The following RCAN2 variants were observed in gnomAD, a reference collection of about 807,000 sequenced individuals.
The protein encoded by RCAN2 is regulator of calcineurin 2.
A neutral mutation model predicts 23.6 loss-of-function variants in RCAN2; 9 were observed. That is an observed-to-expected ratio of 0.38 (90% CI 0.23 to 0.67). RCAN2 has a LOEUF of 0.67. RCAN2 is among the 30% of genes least tolerant of loss of function. The pLI, the probability that RCAN2 is intolerant of heterozygous loss-of-function variation, is 0.51. For synonymous variants in RCAN2, 109 were observed against 115.7 expected (o/e 0.94, Z 0.37); for missense variants, 273 against 302.3 (o/e 0.90, Z 0.72).
intron 2 of RCAN2, among the ~76,000 whole-genome samples, chr6:46,264,078 T>C (rs1211767422): frequency 6.6e-6 from 1 of 152,182 alleles, no homozygotes; most frequent in Admixed American, 6.5e-5. Flanking sequence ...TACCCGGTGT[T>C]GTAGCTGAAA....
intron 2 of RCAN2, among the ~76,000 whole-genome samples, chr6:46,331,991 AG>A (rs1293990722): frequency 6.6e-6 from 1 of 152,230 alleles, no homozygotes; most frequent in Admixed American, 6.5e-5. Flanking sequence ...AAAGAGTTTA[AG>A]ATTTTTTTCT....
chr6:46,292,638 T>C (rs957509127), intron 2 of RCAN2, among the ~76,000 whole-genome samples: 1 of 152,144 alleles, frequency 6.6e-6, no homozygotes, highest in Non-Finnish European at 1.5e-5. Context: ...CAAATTAACA[T>C]GTTTCCTTCT....
At chr6:46,370,299 G>A (rs1266086523) in intron 2 of RCAN2, among the ~76,000 whole-genome samples, 1 of 152,056 alleles carries the variant, frequency 6.6e-6, no homozygotes, top group African/African-American at 2.4e-5. Context: ...TCCTTCCCTT[G>A]TTCATTTCTT....
chr6:46,323,821 AT>A (rs1763697966), intron 2 of RCAN2, among the ~76,000 whole-genome samples: 1 of 152,242 alleles, frequency 6.6e-6, no homozygotes, highest in African/African-American at 2.4e-5. Flanking sequence ...ATATAAGCAT[AT>A]TTTAAACTTT....
At chr6:46,423,822 G>C (rs1424492156) in intron 2 of RCAN2, among the ~76,000 whole-genome samples, 2 of 152,154 alleles carry the variant, frequency 1.3e-5, no homozygotes, top group Non-Finnish European at 2.9e-5. Flanking sequence ...ACTACATTGA[G>C]TATACCACAT....
At chr6:46,250,153 T>G (rs1429696961) in intron 2 of RCAN2, among the ~76,000 whole-genome samples, 1 of 152,012 alleles carries the variant, frequency 6.6e-6, no homozygotes, top group Non-Finnish European at 1.5e-5. Flanking sequence ...CATCTAACAA[T>G]CTAACATGTG....
At chr6:46,487,265 C>G (rs1301223202) in intron 1 of RCAN2, among the ~76,000 whole-genome samples, 2 of 152,188 alleles carry the variant, frequency 1.3e-5, no homozygotes, top group Non-Finnish European at 2.9e-5. Flanking sequence ...GCTTCTTTAT[C>G]TCTAAGAAGG....
In RCAN2 at chr6:46,367,022, GATATATAT is replaced by G. The variant is rs60245042; in HGVS notation, c.225+89722_225+89729del. Among the ~76,000 whole-genome samples the G allele has an allele frequency of 5.0e-4, 30 of 59,672 alleles. 2 individuals carry two copies. The highest frequency in any genetic ancestry group is 1.2e-3 in the East Asian group (2 of 1,620). The allele number at this position is 59,672 out of a possible 152,430, so 39.1% of individuals were successfully genotyped here. On this transcript the variant is annotated intron_variant, in intron 2 of 4. Coordinates refer to ENST00000371374, the MANE Select transcript of RCAN2 (RefSeq NM_001251974.2). ...ATTTTATTTTCAGTTATCTGGGATG[GATATATAT>G]ATATATATATATATATATATATATC...
chr6:46,437,402 A>T (rs1291515631), intron 2 of RCAN2, among the ~76,000 whole-genome samples: 1 of 152,248 alleles, frequency 6.6e-6, no homozygotes, highest in Admixed American at 6.5e-5. Context: ...ATAGTCACTT[A>T]ATTTATAAAA....
intron 2 of RCAN2, among the ~76,000 whole-genome samples, chr6:46,403,069 A>G (rs1766302616): frequency 6.6e-6 from 1 of 151,000 alleles, no homozygotes; most frequent in African/African-American, 2.4e-5. Flanking sequence ...TGCTTACACC[A>G]TTCTCCTGCC....
chr6:46,251,118 T>C (rs1766698407), intron 2 of RCAN2, among the ~76,000 whole-genome samples: 1 of 152,206 alleles, frequency 6.6e-6, no homozygotes, highest in African/African-American at 2.4e-5. Context: ...CTTATACTCC[T>C]TTTCCCATCA....
intron 2 of RCAN2, among the ~76,000 whole-genome samples, chr6:46,412,431 G>T (rs1766574422): frequency 6.6e-6 from 1 of 152,140 alleles, no homozygotes; most frequent in Admixed American, 6.5e-5. Context: ...GGCATCATTG[G>T]CATTGAGATG....
intron 2 of RCAN2, among the ~76,000 whole-genome samples, chr6:46,373,449 G>A (rs1183681011): frequency 6.6e-6 from 1 of 151,876 alleles, no homozygotes; most frequent in Non-Finnish European, 1.5e-5. Flanking sequence ...TATTTTTAGG[G>A]TTTCACTATG....
chr6:46,240,077 G>C (rs1164140769), intron 4 of RCAN2, among the ~76,000 whole-genome samples: 1 of 152,160 alleles, frequency 6.6e-6, no homozygotes, highest in East Asian at 1.9e-4. Flanking sequence ...GATGAAGAAA[G>C]GGGGAGCTGC....
rs148550362 is a variant in RCAN2 at position 46,411,327 on chromosome 6, C to T, written c.225+45425G>A. On this transcript the variant is annotated intron_variant, in intron 2 of 4. Coordinates refer to ENST00000371374, the MANE Select transcript of RCAN2 (RefSeq NM_001251974.2). ...GAAAACAGAATCGTGATTGACAGGG[C>T]CTGGGAGGATGGGGAGCTATTGTTC... 2.4e-3 allele frequency among the ~76,000 whole-genome samples: 369 copies of T among 152,188 alleles called. 2 individuals are homozygous for T. The highest frequency in any genetic ancestry group is 0.015 in the South Asian group (73 of 4,820).
intron 2 of RCAN2, among the ~76,000 whole-genome samples, chr6:46,410,817 T>A (rs1766530668): frequency 6.6e-6 from 1 of 152,326 alleles, no homozygotes; most frequent in South Asian, 2.1e-4. Flanking sequence ...TTAACAAGGA[T>A]GATATTATAT....
intron 1 of RCAN2, among the ~76,000 whole-genome samples, chr6:46,477,472 C>T (rs1464893657): frequency 6.6e-6 from 1 of 152,160 alleles, no homozygotes; most frequent in Non-Finnish European, 1.5e-5. Flanking sequence ...AGCTGTGGGG[C>T]TTTGGCAAGC....
At chr6:46,229,112 G>A (rs1765783400) in intron 4 of RCAN2, among the ~76,000 whole-genome samples, 1 of 152,126 alleles carries the variant, frequency 6.6e-6, no homozygotes. Flanking sequence ...CTCTCTTCTG[G>A]CTTGTAGAGT....
chr6:46,280,289 C>A (rs1767860527), intron 2 of RCAN2, among the ~76,000 whole-genome samples: 1 of 152,122 alleles, frequency 6.6e-6, no homozygotes, highest in African/African-American at 2.4e-5. Flanking sequence ...GAATCTCTTA[C>A]CATCTCCTGA....
Sources: allele counts gnomAD v4.1 joint callset (sites outside exome capture counted in the v4.1 genomes callset), GRCh38; gene constraint gnomAD v4.1.1; transcripts MANE v1.5; gene names NCBI Gene and HGNC (gene_info 2026-07-23, HGNC 2026-07-21).